Variants in CRTC1 observed in about 807,000 individuals in gnomAD.
CRTC1 encodes CREB-regulated transcription coactivator 1.
Under a neutral mutation model 66.1 loss-of-function variants are expected in CRTC1, and 18 were observed. The observed-to-expected ratio is 0.27, with a 90% CI of 0.19 to 0.40. The LOEUF is 0.40. Ranked by LOEUF, CRTC1 falls within the 10% of genes least tolerant of loss-of-function variation. The pLI is 1.00. For missense variants in CRTC1, 669 were observed against 887.9 expected (o/e 0.75, Z 3.13); for synonymous variants, 416 against 398.8 (o/e 1.04, Z -0.51).
Position 18,760,646 on chromosome 19 carries a change from C to T in CRTC1, c.886+418C>T, listed in dbSNP as rs1027934249. On this transcript the variant is annotated intron_variant, in intron 8 of 13. Coordinates refer to ENST00000321949, the MANE Select transcript of CRTC1 (RefSeq NM_015321.3). This position sits in a 1 kb window ranked among gnomAD's most constrained non-coding sequence, Gnocchi z 6.2. Reference sequence around the variant, plus strand: ...CAGTGACCACCTACTTGTCACATCCCAGCACCACCACCCCCACCCGTCTCC... The same window carrying T: ...CAGTGACCACCTACTTGTCACATCCTAGCACCACCACCCCCACCCGTCTCC... Among the ~76,000 whole-genome samples, 13 of 151,994 alleles carry T rather than the reference C, an allele frequency of 8.6e-5. No individual in the cohort carries two copies. Among genetic ancestry groups the T allele is most frequent in the Non-Finnish European group, 1.2e-4 (8 of 67,962 alleles).
intron 10 of CRTC1, among the ~76,000 whole-genome samples, chr19:18,769,231 C>T (rs975032486): frequency 2.6e-5 from 4 of 152,322 alleles, no homozygotes; most frequent in East Asian, 1.9e-4. Context: ...TTGGGCACAG[C>T]GCCTGGGGCC....
At chr19:18,766,071 C>G (rs554732385) in intron 9 of CRTC1, among the ~76,000 whole-genome samples, 2 of 149,862 alleles carry the variant, frequency 1.3e-5, no homozygotes, top group Admixed American at 1.3e-4. Flanking sequence ...TCCATTTCGT[C>G]TTTGCTATCC....
chr19:18,722,487 T>TGTCCTTATTTA (rs1475842822), intron 1 of CRTC1, among the ~76,000 whole-genome samples: 1 of 152,200 alleles, frequency 6.6e-6, no homozygotes, highest in East Asian at 1.9e-4. Context: ...CCATGACTGG[T>TGTCCTTATTTA]GTCCTTATTT....
intron 1 of CRTC1, among the ~76,000 whole-genome samples, chr19:18,740,098 C>A (rs764686293): frequency 3.3e-5 from 5 of 151,920 alleles, no homozygotes; most frequent in Non-Finnish European, 7.4e-5. Flanking sequence ...ACTAAAAATA[C>A]AAAAATTAGC....
chr19:18,721,082 T>C (rs1424741641), intron 1 of CRTC1, among the ~76,000 whole-genome samples: 1 of 152,148 alleles, frequency 6.6e-6, no homozygotes, highest in African/African-American at 2.4e-5. Context: ...TTTGCATCAC[T>C]CCAGTCTCTG....
At chr19:18,770,282 C>A (rs1303009074) in intron 10 of CRTC1, among the ~76,000 whole-genome samples, 1 of 152,232 alleles carries the variant, frequency 6.6e-6, no homozygotes, top group Non-Finnish European at 1.5e-5. Flanking sequence ...GATGCCCGGG[C>A]CTTTCGTCCC....
chr19:18,683,742 A>G lies in CRTC1; in HGVS notation c.40A>G (p.Ile14Val). Residue 14 changes from isoleucine (I) to valine (V), a missense_variant, in exon 1 of 14, where the codon ATC (isoleucine) becomes GTC (valine). This residue lies in a region of CRTC1 where 23 missense variants were observed against 30.6 expected (regional missense o/e 0.75). Transcript: ENST00000321949. Reference sequence around the variant, plus strand: ...CAATCCGCGGAAATTCAGCGAGAAGATCGCGCTGCACAATCAGAAGCAGGC... The same window carrying G: ...CAATCCGCGGAAATTCAGCGAGAAGGTCGCGCTGCACAATCAGAAGCAGGC... The part of the protein sequence containing the change: ...SNNPRKFSEK[I>V]ALHNQKQAEE... 7.1e-7 allele frequency: 1 copy of G among 1,399,842 alleles called. No homozygotes were observed. The highest frequency in any genetic ancestry group is 9.5e-7 in the Non-Finnish European group (1 of 1,052,790). The allele number at this position is 1,399,842 out of a possible 1,614,324, so 86.7% of individuals were successfully genotyped here. A position where few individuals can be genotyped will look rare whatever the true frequency, so the allele number is the denominator to read the frequency against.
intron 10 of CRTC1, among the ~76,000 whole-genome samples, chr19:18,770,566 GGTGT>G (rs985271004): frequency 3.3e-5 from 5 of 152,140 alleles, no homozygotes; most frequent in Non-Finnish European, 7.4e-5. Context: ...TGCCCATGGC[GGTGT>G]GTGTGTGTGG....
intron 6 of CRTC1, among the ~76,000 whole-genome samples, chr19:18,757,412 G>T (rs1269457308): frequency 6.6e-6 from 1 of 152,176 alleles, no homozygotes; most frequent in Admixed American, 6.5e-5. Flanking sequence ...CCTCCCCAGG[G>T]CCAACTCACC....
chr19:18,746,095 G>A, intron 3 of CRTC1, 135 bp downstream of exon 3: 3 of 1,268,880 alleles, frequency 2.4e-6, no homozygotes, highest in Non-Finnish European at 3.2e-6. Flanking sequence ...GCACCATCTG[G>A]GAGGCTTGAT....
intron 11 of CRTC1, among the ~76,000 whole-genome samples, chr19:18,774,622 G>T (rs2054941600): frequency 6.6e-6 from 1 of 152,218 alleles, no homozygotes. Flanking sequence ...CCCTGTGATG[G>T]AGATAGAGGC....
At chr19:18,713,777 G>C (rs550114060) in intron 1 of CRTC1, among the ~76,000 whole-genome samples, 4 of 152,276 alleles carry the variant, frequency 2.6e-5, no homozygotes, top group Non-Finnish European at 4.4e-5. Flanking sequence ...CCCAGGCACA[G>C]AGCCCCTTTC....
Position 18,741,613 on chromosome 19 carries a change from C to T in CRTC1, c.127-1297C>T, listed in dbSNP as rs1365444642. 6.6e-6 allele frequency among the ~76,000 whole-genome samples: 1 copy of T among 152,158 alleles called. No individual in the cohort carries two copies. Among genetic ancestry groups the T allele is most frequent in the South Asian group, 2.1e-4 (1 of 4,830 alleles). ...TCCCTCTGCCACAGCCCGGAGCTGG[C>T]CTGTTTCATCTGGTGTGACTGCTGG... On this transcript the variant is annotated intron_variant, in intron 1 of 13. Transcript: ENST00000321949. This position sits in a 1 kb window ranked among gnomAD's most constrained non-coding sequence, Gnocchi z 4.2.
chr19:18,686,740 A>G (rs2052692603), intron 1 of CRTC1, among the ~76,000 whole-genome samples: 1 of 151,900 alleles, frequency 6.6e-6, no homozygotes, highest in Admixed American at 6.5e-5. Flanking sequence ...ACCTGGGGTC[A>G]GGGGAGCATG....
At chr19:18,695,160 T>C (rs954559714) in intron 1 of CRTC1, among the ~76,000 whole-genome samples, 2 of 152,084 alleles carry the variant, frequency 1.3e-5, no homozygotes, top group Admixed American at 6.6e-5. Flanking sequence ...CATGAGCCAA[T>C]GTGCCCAGCT....
At chr19:18,693,479 G>GTTTTTTTTTTTTTTT (rs1294890403) in intron 1 of CRTC1, among the ~76,000 whole-genome samples, 1 of 129,720 alleles carries the variant, frequency 7.7e-6, no homozygotes, top group Non-Finnish European at 1.6e-5. Flanking sequence ...TAACTCTTTT[G>GTTTTTTTTTTTTTTT]TTTTTGTTTT....
intron 11 of CRTC1, among the ~76,000 whole-genome samples, chr19:18,772,543 T>A (rs2054893209): frequency 1.3e-5 from 2 of 152,130 alleles, no homozygotes; most frequent in Admixed American, 1.3e-4. Flanking sequence ...CCCAGCTAGA[T>A]AAAAGAGTCG....
At chr19:18,774,021 T>C (rs566645406) in intron 11 of CRTC1, among the ~76,000 whole-genome samples, 4 of 152,196 alleles carry the variant, frequency 2.6e-5, no homozygotes, top group Non-Finnish European at 5.9e-5. Context: ...GCACATGCCT[T>C]ACGCTATAGC....
chr19:18,691,714 C>CT (rs982549905), intron 1 of CRTC1, among the ~76,000 whole-genome samples: 36 of 151,296 alleles, frequency 2.4e-4, no homozygotes, highest in African/African-American at 6.1e-4. Context: ...GCCGGTGCCT[C>CT]TTTTTTTTGT....
Sources: gnomAD v4.1 joint callset for allele counts (sites outside exome capture counted in the v4.1 genomes callset) on GRCh38, gnomAD v4.1.1 for gene constraint, gnomAD v4.1.1 regional missense constraint, Gnocchi (gnomAD v3.1) non-coding constraint, MANE v1.5 for transcripts, NCBI Gene and HGNC (gene_info 2026-07-23, HGNC 2026-07-21) for gene names.